Variants in ZRANB2 observed in about 807,000 individuals in gnomAD.
The protein encoded by ZRANB2 is zinc finger Ran-binding domain-containing protein 2.
In ZRANB2, 19 loss-of-function variants were observed where a neutral mutation model predicts 53.4. The ratio of observed to expected loss-of-function variants is 0.36; its 90% CI spans 0.25 to 0.52. ZRANB2 has a LOEUF of 0.52. Ranked by LOEUF, ZRANB2 falls within the 20% of genes least tolerant of loss-of-function variation. ZRANB2 has a pLI of 0.93. For synonymous variants in ZRANB2, 145 were observed against 134.8 expected (o/e 1.08, Z -0.52); for missense variants, 309 against 401.1 (o/e 0.77, Z 1.96).
At chr1:71,065,986 G>A in intron 9 of ZRANB2, 1 of 416,944 alleles carries the variant, frequency 2.4e-6, no homozygotes, top group Non-Finnish European at 4.2e-6. Context: ...TGTACAAGTA[G>A]GAATCATGAG....
Sources: allele counts gnomAD v4.1 joint callset, GRCh38; gene constraint gnomAD v4.1.1; transcripts MANE v1.5; gene names NCBI Gene and HGNC (gene_info 2026-07-23, HGNC 2026-07-21).